The following NFIB variants were observed in gnomAD, a reference collection of about 807,000 sequenced individuals.
NFIB encodes nuclear factor 1 B-type.
A neutral mutation model predicts 61.5 loss-of-function variants in NFIB; 11 were observed. The observed-to-expected ratio is 0.18, with a 90% confidence interval of 0.11 to 0.30. The LOEUF (loss-of-function observed/expected upper bound fraction) is 0.30. Among genes scored for constraint, NFIB ranks in the 10% least tolerant of loss-of-function variants. The pLI is 1.00. For synonymous variants in NFIB, 260 were observed against 216.5 expected (o/e 1.20, Z -1.76); for missense variants, 471 against 608.9 (o/e 0.77, Z 2.38).
At chr9:14,218,093 G>T (rs1249589018) in intron 2 of NFIB, among the ~76,000 whole-genome samples, 1 of 152,108 alleles carries the variant, frequency 6.6e-6, no homozygotes, top group Non-Finnish European at 1.5e-5. Context: ...GAAGGCAGTG[G>T]TTGCTTTGCC....
the NFIB span, among the ~76,000 whole-genome samples, chr9:14,450,670 T>C: frequency 2.4e-4 from 37 of 152,266 alleles, no homozygotes; most frequent in African/African-American, 8.2e-4. Context: ...CACAAACTCA[T>C]AAATACTCTA....
chr9:14,304,906 G>C (rs576974757), intron 2 of NFIB, among the ~76,000 whole-genome samples: 5 of 152,286 alleles, frequency 3.3e-5, no homozygotes, highest in African/African-American at 9.6e-5. Flanking sequence ...GCATCCTGAC[G>C]TGAGTTTTTC....
At chr9:14,402,559 T>TA (rs1375138405), upstream of NFIB, among the ~76,000 whole-genome samples, 1 of 152,112 alleles carries the variant, frequency 6.6e-6, no homozygotes, top group Non-Finnish European at 1.5e-5. Flanking sequence ...TTCTCAGATT[T>TA]AAAAAAATTA....
chr9:14,177,769 G>A (rs1442206184), intron 3 of NFIB, among the ~76,000 whole-genome samples: 2 of 152,004 alleles, frequency 1.3e-5, no homozygotes, highest in East Asian at 3.8e-4. Context: ...AATTTAAAAG[G>A]GAAAAAAATT....
chr9:14,418,215 C>T, the NFIB span, among the ~76,000 whole-genome samples: 2 of 152,176 alleles, frequency 1.3e-5, no homozygotes, highest in Non-Finnish European at 2.9e-5. Flanking sequence ...CCTGCACCCC[C>T]ACCCTCAACC....
At chr9:14,221,481 T>C (rs1477682897) in intron 2 of NFIB, among the ~76,000 whole-genome samples, 1 of 152,194 alleles carries the variant, frequency 6.6e-6, no homozygotes, top group Non-Finnish European at 1.5e-5. Flanking sequence ...TTAGAAAAAC[T>C]GAGGCTCATG....
the NFIB span, among the ~76,000 whole-genome samples, chr9:14,409,358 G>A: frequency 6.6e-6 from 1 of 152,200 alleles, no homozygotes; most frequent in Non-Finnish European, 1.5e-5. Context: ...CCTCAGCACA[G>A]AGCTGGTGCT....
At chr9:14,353,789 G>A (rs1452879704) in intron 1 of NFIB, among the ~76,000 whole-genome samples, 2 of 151,836 alleles carry the variant, frequency 1.3e-5, no homozygotes, top group Non-Finnish European at 2.9e-5. Flanking sequence ...AGTTGAAATA[G>A]CCGTTGCTTT....
chr9:14,284,406 C>A (rs1019102581), intron 2 of NFIB, among the ~76,000 whole-genome samples: 5 of 152,078 alleles, frequency 3.3e-5, no homozygotes, highest in African/African-American at 9.7e-5. Context: ...GAAAATCAAT[C>A]TTTGAAACCA....
At chr9:14,210,551 C>T (rs552691683) in intron 2 of NFIB, among the ~76,000 whole-genome samples, 2 of 152,170 alleles carry the variant, frequency 1.3e-5, no homozygotes, top group African/African-American at 2.4e-5. Context: ...CATGTGCACA[C>T]TCACACAAAC....
intron 2 of NFIB, among the ~76,000 whole-genome samples, chr9:14,297,930 C>T (rs1032087872): frequency 2.0e-5 from 3 of 151,872 alleles, no homozygotes; most frequent in Admixed American, 6.6e-5. Flanking sequence ...AAGAGAAGAA[C>T]GGAGGTAAAA....
intron 2 of NFIB, chr9:14,305,688 A>T (rs1029604415): frequency 5.0e-6 from 1 of 200,134 alleles, no homozygotes; most frequent in South Asian, 1.9e-4. Context: ...CCAAAGCTAC[A>T]AGAAAATCAA....
At chr9:14,418,924 A>G in the NFIB span, among the ~76,000 whole-genome samples, 2 of 152,118 alleles carry the variant, frequency 1.3e-5, no homozygotes, top group Non-Finnish European at 1.5e-5. Context: ...TAGTCATTTT[A>G]CCCCAGTAAA....
chr9:14,141,865 T>C (rs1489261319), intron 6 of NFIB, among the ~76,000 whole-genome samples: 3 of 147,432 alleles, frequency 2.0e-5, no homozygotes, highest in Non-Finnish European at 4.5e-5. Flanking sequence ...GGAAGCTTTG[T>C]TCTTTCACTC....
intron 2 of NFIB, among the ~76,000 whole-genome samples, chr9:14,184,171 C>A (rs748809216): frequency 9.2e-5 from 14 of 152,158 alleles, no homozygotes; most frequent in Non-Finnish European, 1.8e-4. Context: ...AGTGATCAAA[C>A]GGCTTGTCCA....
intron 1 of NFIB, among the ~76,000 whole-genome samples, chr9:14,350,442 C>T (rs2061092962): frequency 6.7e-6 from 1 of 149,994 alleles, no homozygotes; most frequent in Non-Finnish European, 1.5e-5. Context: ...TTGTTGCTAC[C>T]TGCCCTTGCC....
chr9:14,418,919 A>C, the NFIB span, among the ~76,000 whole-genome samples: 1 of 152,152 alleles, frequency 6.6e-6, no homozygotes, highest in Non-Finnish European at 1.5e-5. Context: ...ATTTATAGTC[A>C]TTTTACCCCA....
intron 2 of NFIB, among the ~76,000 whole-genome samples, chr9:14,264,822 C>A (rs2057067271): frequency 6.6e-6 from 1 of 151,746 alleles, no homozygotes. Context: ...TATCCCCCAA[C>A]CTAAGGCAAA....
chr9:14,355,506 A>G (rs965771841), intron 1 of NFIB, among the ~76,000 whole-genome samples: 1 of 152,226 alleles, frequency 6.6e-6, no homozygotes, highest in Admixed American at 6.5e-5. Flanking sequence ...CCCATTATGT[A>G]CAGCCATTTG....
Sources: allele counts gnomAD v4.1 joint callset (sites outside exome capture counted in the v4.1 genomes callset), GRCh38; gene constraint gnomAD v4.1.1; transcripts MANE v1.5; gene names NCBI Gene and HGNC (gene_info 2026-07-23, HGNC 2026-07-21).